The following SOX5 variants were observed in gnomAD, a reference collection of about 807,000 sequenced individuals.
The protein encoded by SOX5 is SRY-box transcription factor 5.
In SOX5, 9 loss-of-function variants were observed where a neutral mutation model predicts 92.0. The ratio of observed to expected loss-of-function variants is 0.10; its 90% CI spans 0.06 to 0.17. SOX5 has a LOEUF of 0.17. Ranked by LOEUF, SOX5 falls within the 10% of genes least tolerant of loss-of-function variation. The pLI is 1.00. For missense variants in SOX5, 642 were observed against 944.5 expected (o/e 0.68, Z 4.20); for synonymous variants, 344 against 336.3 (o/e 1.02, Z -0.25).
At chr12:24,301,294 A>G (rs1284565261) in intron 2 of SOX5, among the ~76,000 whole-genome samples, 1 of 152,228 alleles carries the variant, frequency 6.6e-6, no homozygotes, top group Non-Finnish European at 1.5e-5. Context: ...GCCGTCTCAA[A>G]AAGTTGCCCC....
chr12:23,854,752 T>C (rs2096668930), intron 2 of SOX5, among the ~76,000 whole-genome samples: 1 of 152,120 alleles, frequency 6.6e-6, no homozygotes, highest in Non-Finnish European at 1.5e-5. Context: ...TCACCAGTTG[T>C]GTGACCTTGG....
intron 1 of SOX5, among the ~76,000 whole-genome samples, chr12:24,434,860 C>A (rs992662946): frequency 1.3e-5 from 2 of 152,196 alleles, no homozygotes; most frequent in South Asian, 4.1e-4. Flanking sequence ...AACCTCTTTT[C>A]TTTATAAATT....
At chr12:24,262,371 A>G (rs1429291301) in intron 3 of SOX5, among the ~76,000 whole-genome samples, 1 of 152,204 alleles carries the variant, frequency 6.6e-6, no homozygotes, top group African/African-American at 2.4e-5. Context: ...TTAGAGGTAG[A>G]TTTCAAAATA....
intron 1 of SOX5, among the ~76,000 whole-genome samples, chr12:24,537,894 T>C (rs1409733503): frequency 1.3e-5 from 2 of 152,232 alleles, no homozygotes; most frequent in Non-Finnish European, 2.9e-5. Flanking sequence ...TGGTTTTGTA[T>C]CTGTTCAGTT....
chr12:24,406,904 C>T (rs547571932), intron 1 of SOX5, among the ~76,000 whole-genome samples: 8 of 152,140 alleles, frequency 5.3e-5, no homozygotes, highest in South Asian at 4.1e-4. Flanking sequence ...GTTCAAAATA[C>T]GATTAAAGAA....
At chr12:23,684,482 C>G (rs960651174) in intron 6 of SOX5, among the ~76,000 whole-genome samples, 1 of 152,014 alleles carries the variant, frequency 6.6e-6, no homozygotes, top group Non-Finnish European at 1.5e-5. Context: ...TAGGATCTCT[C>G]ACATATCTGT....
At chr12:23,563,211 CAATTT>C (rs751465680) in intron 11 of SOX5, 42 bp downstream of exon 11, 1 of 1,430,602 alleles carries the variant, frequency 7.0e-7, no homozygotes, top group Non-Finnish European at 9.6e-7. Context: ...AAGCATTAGG[CAATTT>C]AATTAAGTAT....
At chr12:24,510,522 C>T (rs1949207757) in intron 1 of SOX5, among the ~76,000 whole-genome samples, 2 of 152,066 alleles carry the variant, frequency 1.3e-5, no homozygotes, top group Non-Finnish European at 2.9e-5. Flanking sequence ...AGAGAATAAC[C>T]AGACAGGAAG....
At chr12:23,643,852 G>C (rs569740244) in intron 7 of SOX5, among the ~76,000 whole-genome samples, 1 of 152,260 alleles carries the variant, frequency 6.6e-6, no homozygotes, top group East Asian at 1.9e-4. Context: ...TTGGAGGCAG[G>C]AAGTGTAGAC....
intron 4 of SOX5, among the ~76,000 whole-genome samples, chr12:24,122,340 A>G (rs755316333): frequency 1.1e-4 from 16 of 152,236 alleles, no homozygotes; most frequent in Admixed American, 2.0e-4. Flanking sequence ...AGCTGAGAGC[A>G]AAGATCATGA....
At chr12:23,807,288 T>C (rs189889663) in intron 3 of SOX5, among the ~76,000 whole-genome samples, 2 of 152,314 alleles carry the variant, frequency 1.3e-5, no homozygotes, top group East Asian at 3.9e-4. Context: ...ACCCAGCGAC[T>C]ATGAATGTAA....
chr12:23,792,621 TCAAAAAAAAAAA>T, intron 3 of SOX5, among the ~76,000 whole-genome samples: 1 of 33,512 alleles, frequency 3.0e-5, no homozygotes, highest in African/African-American at 1.9e-4. Flanking sequence ...AGGCTCTGTC[TCAAAAAAAAAAA>T]AAAAAAAAAA....
At chr12:23,741,880 C>A (rs1167035549) in intron 4 of SOX5, among the ~76,000 whole-genome samples, 1 of 151,960 alleles carries the variant, frequency 6.6e-6, no homozygotes, top group Non-Finnish European at 1.5e-5. Context: ...TTAAAACATG[C>A]CAATGAATCT....
intron 4 of SOX5, among the ~76,000 whole-genome samples, chr12:24,130,099 A>G (rs917601450): frequency 1.3e-5 from 2 of 152,204 alleles, no homozygotes; most frequent in African/African-American, 4.8e-5. Context: ...CAAGAAAAAA[A>G]AAGAATACAA....
At position 23,889,576 on chromosome 12, in the gene SOX5, C is replaced by T. The variant is rs1157115616; in HGVS notation, c.270+6217G>A. Among the ~76,000 whole-genome samples, 8 of 152,212 alleles carry T rather than the reference C, an allele frequency of 5.3e-5. No individual in the cohort carries two copies. The East Asian group carries it at 7.7e-4, about 15-fold the overall frequency. On this transcript the variant is annotated intron_variant, in intron 2 of 14. Coordinates refer to ENST00000451604, the MANE Select transcript of SOX5 (RefSeq NM_006940.6). The stretch of plus-strand genomic sequence containing the variant: ...GACAGTGAGCCTGAGCAAGTAAAAG[C>T]CTCTCTATCATGTGCATTGAATGAA...
At chr12:24,138,878 T>G (rs984063470) in intron 4 of SOX5, among the ~76,000 whole-genome samples, 3 of 152,168 alleles carry the variant, frequency 2.0e-5, no homozygotes, top group Admixed American at 2.0e-4. Flanking sequence ...ATTGCAACTG[T>G]GTGTATCCCA....
chr12:24,214,934 AG>A (rs1959048702), intron 3 of SOX5, among the ~76,000 whole-genome samples: 1 of 152,120 alleles, frequency 6.6e-6, no homozygotes, highest in Non-Finnish European at 1.5e-5. Flanking sequence ...GATTTATCCC[AG>A]GAATGCAAAG....
At chr12:24,406,519 T>C (rs967962072) in intron 1 of SOX5, among the ~76,000 whole-genome samples, 10 of 151,998 alleles carry the variant, frequency 6.6e-5, no homozygotes, top group Non-Finnish European at 1.2e-4. Flanking sequence ...CAACAGCAAC[T>C]AGGAAGTGGG....
Position 23,549,351 on chromosome 12 carries a change from A to T in SOX5, c.1489-2927T>A, listed in dbSNP as rs537157808. Among the ~76,000 whole-genome samples the T allele has an allele frequency of 2.6e-5, 4 of 152,044 alleles. No homozygotes were observed. The South Asian group carries it at 8.3e-4, about 32-fold the overall frequency. On this transcript the variant is annotated intron_variant, in intron 11 of 14. Transcript: ENST00000451604. ...CCGATCTTATAATCTGATAAAAATC[A>T]TGTTGGTGATATAGATCTTATAATC...
Sources: gnomAD v4.1 joint callset for allele counts (sites outside exome capture counted in the v4.1 genomes callset) on GRCh38, gnomAD v4.1.1 for gene constraint, MANE v1.5 for transcripts, NCBI Gene and HGNC (gene_info 2026-07-23, HGNC 2026-07-21) for gene names.